Variants in PDE10A observed in about 807,000 individuals in gnomAD.
PDE10A encodes the protein cAMP and cAMP-inhibited cGMP 3',5'-cyclic phosphodiesterase 10A.
In PDE10A, 39 loss-of-function variants were observed where a neutral mutation model predicts 97.7. The ratio of observed to expected loss-of-function variants is 0.40; its 90% CI spans 0.31 to 0.52. The LOEUF is 0.52. Among genes scored for constraint, PDE10A ranks in the 20% least tolerant of loss-of-function variants. The pLI is 0.56. For missense variants in PDE10A, 731 were observed against 1,047.8 expected (o/e 0.70, Z 4.17); for synonymous variants, 371 against 376.8 (o/e 0.98, Z 0.18).
chr6:165,557,635 C>T (rs200954208), intron 1 of PDE10A, among the ~76,000 whole-genome samples: 2 of 124,810 alleles, frequency 1.6e-5, no homozygotes, highest in Admixed American at 7.8e-5. Flanking sequence ...ATATTTTTTC[C>T]TTCTTTGCTA....
At chr6:165,826,312 C>T (rs1231827653) in intron 1 of PDE10A, among the ~76,000 whole-genome samples, 3 of 149,750 alleles carry the variant, frequency 2.0e-5, no homozygotes, top group Admixed American at 1.3e-4. Flanking sequence ...CTTCATGTCC[C>T]TCTGTCCCTG....
intron 18 of PDE10A, among the ~76,000 whole-genome samples, chr6:165,357,683 A>G (rs1051692844): frequency 1.3e-5 from 2 of 152,226 alleles, no homozygotes; most frequent in African/African-American, 2.4e-5. Flanking sequence ...TATTATCCCA[A>G]TGTAATCTAA....
At chr6:165,541,849 T>C (rs914815935) in intron 2 of PDE10A, among the ~76,000 whole-genome samples, 1 of 152,134 alleles carries the variant, frequency 6.6e-6, no homozygotes, top group Non-Finnish European at 1.5e-5. Flanking sequence ...GGCATACACA[T>C]ACAAACACAT....
chr6:165,639,185 A>G (rs1424521624), intron 1 of PDE10A, among the ~76,000 whole-genome samples: 3 of 152,276 alleles, frequency 2.0e-5, no homozygotes, highest in East Asian at 1.9e-4. Flanking sequence ...GAGACATTCA[A>G]AAGTTAAACA....
At chr6:165,468,674 G>A (rs186915115) in intron 3 of PDE10A, among the ~76,000 whole-genome samples, 1 of 152,246 alleles carries the variant, frequency 6.6e-6, no homozygotes, top group East Asian at 1.9e-4. Flanking sequence ...TCCTATTGGG[G>A]GAGGGGAACA....
intron 18 of PDE10A, 28 bp downstream of exon 18, chr6:165,379,166 C>T: frequency 6.7e-7 from 1 of 1,493,054 alleles, no homozygotes; most frequent in South Asian, 1.2e-5. Context: ...ACTTTCTGGG[C>T]TTCTAAGCTT....
chr6:165,948,017 C>T (rs930873579), intron 1 of PDE10A, among the ~76,000 whole-genome samples: 9 of 151,226 alleles, frequency 6.0e-5, no homozygotes, highest in Admixed American at 2.0e-4. Context: ...AATCAGAATT[C>T]GACCTGAATC....
chr6:165,451,493 C>T (rs1027210920), intron 3 of PDE10A, among the ~76,000 whole-genome samples: 2 of 152,178 alleles, frequency 1.3e-5, no homozygotes, highest in Non-Finnish European at 2.9e-5. Flanking sequence ...ACGCCTCGCA[C>T]AGTAACACAC....
chr6:165,849,531 T>A (rs1780515204), intron 1 of PDE10A, among the ~76,000 whole-genome samples: 1 of 152,254 alleles, frequency 6.6e-6, no homozygotes, highest in Non-Finnish European at 1.5e-5. Context: ...TATGTGGGTC[T>A]CCTGGTTCAG....
intron 1 of PDE10A, among the ~76,000 whole-genome samples, chr6:165,720,805 A>C (rs137879473): frequency 6.6e-6 from 1 of 152,328 alleles, no homozygotes; most frequent in East Asian, 1.9e-4. Context: ...ATGATCAGAC[A>C]AAGACCAGTC....
chr6:165,982,384 T>G (rs1043529934), intron 1 of PDE10A, among the ~76,000 whole-genome samples: 12 of 152,198 alleles, frequency 7.9e-5, no homozygotes, highest in African/African-American at 2.9e-4. Context: ...TGAGATTAAT[T>G]TAATGTAATA....
intron 1 of PDE10A, among the ~76,000 whole-genome samples, chr6:165,759,038 C>T (rs1457624285): frequency 3.9e-5 from 6 of 152,134 alleles, no homozygotes; most frequent in Non-Finnish European, 8.8e-5. Context: ...TAGTGATGTC[C>T]GTGGGTCCAG....
intron 18 of PDE10A, among the ~76,000 whole-genome samples, chr6:165,363,440 G>C (rs554034358): frequency 2.0e-4 from 30 of 152,086 alleles, no homozygotes; most frequent in Admixed American, 1.8e-3. Context: ...GCTTGAACCC[G>C]GGGGAAGGAG....
chr6:165,746,059 G>T (rs1002007030), intron 1 of PDE10A, among the ~76,000 whole-genome samples: 1 of 152,200 alleles, frequency 6.6e-6, no homozygotes, highest in African/African-American at 2.4e-5. Flanking sequence ...TACGTGAATG[G>T]ATACACATAT....
chr6:165,642,049 G>A (rs372757225), intron 1 of PDE10A, among the ~76,000 whole-genome samples: 8 of 152,206 alleles, frequency 5.3e-5, no homozygotes, highest in South Asian at 2.1e-4. Context: ...TCATTTCATC[G>A]GGGGTGTAAC....
chr6:165,436,376 T>C (rs971200709), intron 5 of PDE10A, among the ~76,000 whole-genome samples: 16 of 152,048 alleles, frequency 1.1e-4, no homozygotes, highest in Non-Finnish European at 1.8e-4. Context: ...CCTTGTAAAA[T>C]TACAGAACTC....
At chr6:165,752,200 T>C (rs1296529858) in intron 1 of PDE10A, among the ~76,000 whole-genome samples, 1 of 150,462 alleles carries the variant, frequency 6.6e-6, no homozygotes. Context: ...GCCTATACAC[T>C]GCTGAATGTG....
chr6:165,392,956 C>G (rs1411755928), intron 15 of PDE10A, among the ~76,000 whole-genome samples, 160 bp from the exon 16 acceptor site: 1 of 152,138 alleles, frequency 6.6e-6, no homozygotes, highest in Non-Finnish European at 1.5e-5. Flanking sequence ...AACTCATTCA[C>G]CAGTTCCCTT....
chr6:165,919,910 T>C (rs1421473279), intron 1 of PDE10A, among the ~76,000 whole-genome samples: 1 of 152,224 alleles, frequency 6.6e-6, no homozygotes, highest in Non-Finnish European at 1.5e-5. Flanking sequence ...TTAATGAGGA[T>C]ACCTCACTGG....
Sources: allele counts gnomAD v4.1 joint callset (sites outside exome capture counted in the v4.1 genomes callset), GRCh38; gene constraint gnomAD v4.1.1; transcripts MANE v1.5; gene names NCBI Gene and HGNC (gene_info 2026-07-23, HGNC 2026-07-21).